NEK1: variants seen among roughly 807,000 people sequenced by gnomAD.
The protein encoded by NEK1 is NIMA related kinase 1.
In NEK1, 137 loss-of-function variants were observed where a neutral mutation model predicts 182.1. That is an observed-to-expected ratio of 0.75 (90% CI 0.65 to 0.87). The LOEUF is 0.87. Among genes scored for constraint, NEK1 ranks in the 40% least tolerant of loss-of-function variants. The probability of loss-of-function intolerance (pLI) is 0.00; values close to 1 mark genes in which losing one functional copy is unlikely to be tolerated. For missense variants in NEK1, 1,391 were observed against 1,494.4 expected, an observed-to-expected ratio of 0.93 and a Z score of 1.14; for synonymous variants, 513 against 492.2, an observed-to-expected ratio of 1.04 and a Z score of -0.56.
intron 27 of NEK1, among the ~76,000 whole-genome samples, chr4:169,457,663 A>AGAAG (rs112292744): frequency 3.9e-5 from 5 of 128,448 alleles, no homozygotes; most frequent in Non-Finnish European, 6.4e-5. Flanking sequence ...GCAGGGGGAG[A>AGAAG]GAAGGAAGGA....
chr4:169,569,728 G>C (rs565787097), intron 12 of NEK1, among the ~76,000 whole-genome samples: 4 of 152,066 alleles, frequency 2.6e-5, no homozygotes, highest in African/African-American at 9.7e-5. Flanking sequence ...TCCTAACTGC[G>C]AGTGATCCGC....
chr4:169,444,142 G>T (rs1026936343), intron 27 of NEK1, among the ~76,000 whole-genome samples: 1 of 151,798 alleles, frequency 6.6e-6, no homozygotes, highest in African/African-American at 2.4e-5. Flanking sequence ...AAACAAAAGA[G>T]AAAAAGGAGT....
chr4:169,528,269 C>T (rs1358419906), intron 19 of NEK1, among the ~76,000 whole-genome samples: 2 of 152,160 alleles, frequency 1.3e-5, no homozygotes, highest in African/African-American at 4.8e-5. Flanking sequence ...CATACACCCT[C>T]CACAGGTTGC....
chr4:169,536,348 G>A (rs72974732), intron 19 of NEK1, among the ~76,000 whole-genome samples: 26 of 149,726 alleles, frequency 1.7e-4, no homozygotes, highest in African/African-American at 5.6e-4. Context: ...ATTGATTCTA[G>A]TGATAAAGAG....
At chr4:169,524,461 C>CAAAAAA (rs953408098) in intron 19 of NEK1, among the ~76,000 whole-genome samples, 19 of 50,506 alleles carry the variant, frequency 3.8e-4, no homozygotes, top group South Asian at 2.2e-3. Flanking sequence ...AATTCCATCT[C>CAAAAAA]AAAAAAAAAA....
intron 29 of NEK1, among the ~76,000 whole-genome samples, chr4:169,428,290 A>G (rs780427361): frequency 3.4e-5 from 5 of 149,120 alleles, no homozygotes; most frequent in Admixed American, 6.7e-5. Flanking sequence ...CACTCTTCCA[A>G]TAGCCAGATG....
chr4:169,591,902 T>C (rs1304951107), intron 5 of NEK1, among the ~76,000 whole-genome samples: 2 of 152,094 alleles, frequency 1.3e-5, no homozygotes. Flanking sequence ...TTCTCTAAGA[T>C]GCAAAAGTTA....
intron 31 of NEK1, among the ~76,000 whole-genome samples, chr4:169,412,982 A>T: frequency 6.6e-6 from 1 of 151,988 alleles, no homozygotes; most frequent in East Asian, 1.9e-4. Flanking sequence ...TCTTTGATGG[A>T]GTTCACTTAA....
intron 12 of NEK1, among the ~76,000 whole-genome samples, chr4:169,565,203 T>G (rs1763489881): frequency 6.6e-6 from 1 of 152,194 alleles, no homozygotes; most frequent in Non-Finnish European, 1.5e-5. Context: ...TTCAAACTTT[T>G]TCTAAAGGCG....
intron 27 of NEK1, among the ~76,000 whole-genome samples, chr4:169,447,485 T>G (rs990362841): frequency 2.0e-5 from 3 of 152,154 alleles, no homozygotes; most frequent in Non-Finnish European, 4.4e-5. Flanking sequence ...AATTCACCAG[T>G]AATAGTAAGT....
intron 32 of NEK1, among the ~76,000 whole-genome samples, chr4:169,406,071 TG>T (rs1290734487): frequency 1.3e-5 from 2 of 152,176 alleles, no homozygotes; most frequent in African/African-American, 4.8e-5. Context: ...CACTCCAGCC[TG>T]GGTGACAGAG....
chr4:169,527,759 A>G (rs1757094334), intron 19 of NEK1, among the ~76,000 whole-genome samples: 2 of 152,178 alleles, frequency 1.3e-5, no homozygotes, highest in African/African-American at 2.4e-5. Context: ...AAACAAAATC[A>G]TAGGGTATAA....
intron 23 of NEK1, among the ~76,000 whole-genome samples, chr4:169,502,026 A>T (rs1317852278): frequency 6.6e-6 from 1 of 152,018 alleles, no homozygotes; most frequent in Non-Finnish European, 1.5e-5. Flanking sequence ...AAAAGAGAAG[A>T]TTCATAAACA....
Position 169,555,718 on chromosome 4 carries a change from A to C in NEK1, c.1562+2T>G, listed in dbSNP as rs1360145032. ...TGAATTCATGGATCATCACAGTCCA[A>C]CCTGTTTGCATTGGCTTGTTTAGAC... On this transcript the variant is annotated splice_donor_variant, in intron 18 of 35. Transcript: ENST00000507142. LOFTEE classifies it high-confidence loss of function. 3 of 1,613,652 alleles carry C rather than the reference A, an allele frequency of 1.9e-6. No individual in the cohort carries two copies. The Admixed American group carries it at 5.0e-5, about 27-fold the overall frequency.
chr4:169,464,565 T>A (rs10440500), intron 26 of NEK1, among the ~76,000 whole-genome samples: 208 of 152,234 alleles, frequency 1.4e-3, no homozygotes, highest in African/African-American at 4.1e-3. Flanking sequence ...CTCAAAAGTT[T>A]CAGATTTTGG....
intron 27 of NEK1, among the ~76,000 whole-genome samples, chr4:169,460,232 G>A (rs1433083583): frequency 4.6e-5 from 7 of 151,850 alleles, no homozygotes; most frequent in African/African-American, 1.5e-4. Context: ...ATTCATAAAA[G>A]AAAGCGGTAC....
intron 23 of NEK1, among the ~76,000 whole-genome samples, chr4:169,505,760 T>A (rs1561312900): frequency 6.6e-6 from 1 of 152,116 alleles, no homozygotes. Flanking sequence ...CCCAGAAAAT[T>A]AACTTAAAAT....
chr4:169,534,956 T>C (rs1758227525), intron 19 of NEK1, among the ~76,000 whole-genome samples: 1 of 152,142 alleles, frequency 6.6e-6, no homozygotes, highest in Non-Finnish European at 1.5e-5. Flanking sequence ...ATTCCGTATG[T>C]TTAACAACAT....
Position 169,434,305 on chromosome 4 carries a change from C to T in NEK1, c.2765-640G>A, listed in dbSNP as rs997992932. On this transcript the variant is annotated intron_variant, in intron 28 of 35. Transcript: ENST00000507142. Reference sequence around the variant, plus strand: ...CTCACTCACTACAACCTACACCTCCCGGGCTCAAGTGATCCTCCTGCCTCA... The same window carrying T: ...CTCACTCACTACAACCTACACCTCCTGGGCTCAAGTGATCCTCCTGCCTCA... Among the ~76,000 whole-genome samples, 4 of 151,330 alleles carry T rather than the reference C, an allele frequency of 2.6e-5. 1 individual carries two copies. Among genetic ancestry groups the T allele is most frequent in the Admixed American group, 1.3e-4 (2 of 15,184 alleles).
Sources: gnomAD v4.1 joint callset for allele counts (sites outside exome capture counted in the v4.1 genomes callset) on GRCh38, gnomAD v4.1.1 for gene constraint, MANE v1.5 for transcripts, NCBI Gene and HGNC (gene_info 2026-07-23, HGNC 2026-07-21) for gene names.